CACNB2: variants seen among roughly 807,000 people sequenced by gnomAD.
CACNB2 encodes voltage-dependent L-type calcium channel subunit beta-2.
CACNB2 carries 42 observed loss-of-function variants against 73.3 expected under a neutral mutation model. The ratio of observed to expected loss-of-function variants is 0.57; its 90% CI spans 0.45 to 0.74. The LOEUF (loss-of-function observed/expected upper bound fraction) is 0.74. Among genes scored for constraint, CACNB2 ranks in the 30% least tolerant of loss-of-function variants. The pLI is 0.00. For synonymous variants in CACNB2, 348 were observed against 310.3 expected, an observed-to-expected ratio of 1.12 and a Z score of -1.28; for missense variants, 940 against 853.0, an observed-to-expected ratio of 1.10 and a Z score of -1.27.
intron 2 of CACNB2, among the ~76,000 whole-genome samples, chr10:18,395,867 C>A (rs534371805): frequency 1.1e-4 from 16 of 152,252 alleles, no homozygotes; most frequent in African/African-American, 3.1e-4. Flanking sequence ...CTAAGGTATA[C>A]AATGTTTATG....
intron 2 of CACNB2, among the ~76,000 whole-genome samples, chr10:18,198,464 T>C (rs891440769): frequency 3.9e-5 from 6 of 152,166 alleles, no homozygotes; most frequent in African/African-American, 9.7e-5. Flanking sequence ...TGCTACTTTT[T>C]TGGGCATGCC....
At chr10:18,460,130 A>G (rs1212805532) in intron 3 of CACNB2, among the ~76,000 whole-genome samples, 1 of 152,224 alleles carries the variant, frequency 6.6e-6, no homozygotes, top group East Asian at 1.9e-4. Context: ...TCAAATGGCA[A>G]GTGGGATCAT....
intron 2 of CACNB2, chr10:18,260,900 C>A: frequency 9.0e-7 from 1 of 1,117,310 alleles, no homozygotes; most frequent in Non-Finnish European, 1.1e-6. Flanking sequence ...TTGAGAATGG[C>A]TACTGTAAAA....
At chr10:18,147,714 A>G (rs1331589442) in intron 1 of CACNB2, among the ~76,000 whole-genome samples, 1 of 149,326 alleles carries the variant, frequency 6.7e-6, no homozygotes, top group African/African-American at 2.5e-5. Flanking sequence ...ACAATTACAT[A>G]TATTTTTTTT....
intron 2 of CACNB2, among the ~76,000 whole-genome samples, chr10:18,152,709 CAAAAAAAAAA>C (rs772732675): frequency 2.0e-5 from 1 of 49,352 alleles, no homozygotes; most frequent in Non-Finnish European, 3.7e-5. Context: ...TGAAACAGAC[CAAAAAAAAAA>C]AAAAAAAAAA....
intron 6 of CACNB2, among the ~76,000 whole-genome samples, chr10:18,510,846 C>G (rs997385680): frequency 2.6e-4 from 40 of 152,200 alleles, no homozygotes; most frequent in African/African-American, 9.6e-4. Flanking sequence ...AGCAAGGAAA[C>G]TCTTGATTTT....
intron 1 of CACNB2, among the ~76,000 whole-genome samples, chr10:18,146,792 TTGTA>T (rs1407247362): frequency 6.6e-6 from 1 of 152,164 alleles, no homozygotes; most frequent in Non-Finnish European, 1.5e-5. Context: ...AGCCTAACTT[TTGTA>T]TTTTTTAGTA....
chr10:18,466,973 G>A (rs2047923475), intron 3 of CACNB2, among the ~76,000 whole-genome samples: 1 of 152,108 alleles, frequency 6.6e-6, no homozygotes, highest in African/African-American at 2.4e-5. Context: ...GGCCAACATG[G>A]TGAAATCCTG....
intron 2 of CACNB2, among the ~76,000 whole-genome samples, chr10:18,210,185 T>A (rs889254576): frequency 6.6e-6 from 1 of 152,176 alleles, no homozygotes; most frequent in African/African-American, 2.4e-5. Context: ...AGGTGAGTAA[T>A]GAGGCTTTTA....
At chr10:18,535,413 A>T (rs962558247) in intron 11 of CACNB2, among the ~76,000 whole-genome samples, 6 of 152,144 alleles carry the variant, frequency 3.9e-5, no homozygotes, top group African/African-American at 1.4e-4. Flanking sequence ...AGGAGACTGC[A>T]ATTGTCTTCT....
intron 2 of CACNB2, among the ~76,000 whole-genome samples, chr10:18,283,609 A>G (rs1004131980): frequency 6.7e-6 from 1 of 148,570 alleles, no homozygotes; most frequent in African/African-American, 2.5e-5. Context: ...TCATAGGTGG[A>G]AACTGAACAA....
intron 2 of CACNB2, among the ~76,000 whole-genome samples, chr10:18,291,383 C>T (rs1409015680): frequency 6.6e-6 from 1 of 152,212 alleles, no homozygotes; most frequent in African/African-American, 2.4e-5. Context: ...GAGAGAGGAA[C>T]ACCTCTGTGA....
At position 18,140,529 on chromosome 10, in the gene CACNB2, C is replaced by G. The variant is rs1204249870; in HGVS notation, c.-208C>G. 3.2e-6 allele frequency: 1 copy of G among 317,356 alleles called. No homozygotes were observed. The allele number at this position is 317,356 out of a possible 1,614,324, so 19.7% of individuals were successfully genotyped here. ...GTCCCGCCTCCCGAGCGGCTCGCTT[C>G]GCCCGATGCCCCGGCCCCGTCCCGC... On this transcript the variant is annotated 5_prime_UTR_variant, in exon 1 of 14. Transcript: ENST00000324631.
At chr10:18,421,549 C>T (rs575787022) in intron 3 of CACNB2, among the ~76,000 whole-genome samples, 1 of 152,262 alleles carries the variant, frequency 6.6e-6, no homozygotes, top group African/African-American at 2.4e-5. Context: ...ATCCACCCAC[C>T]TCAACCTCCC....
chr10:18,203,169 C>G (rs2034954262), intron 2 of CACNB2, among the ~76,000 whole-genome samples: 1 of 152,122 alleles, frequency 6.6e-6, no homozygotes, highest in African/African-American at 2.4e-5. Context: ...AAATTTTGTT[C>G]TTTCATCTGT....
In CACNB2 at chr10:18,169,264, A is replaced by G. The variant is rs552804235; in HGVS notation, c.213+18289A>G. Among the ~76,000 whole-genome samples the G allele has an allele frequency of 3.1e-4, 47 of 152,336 alleles. 1 individual carries two copies. The highest frequency in any genetic ancestry group is 5.7e-4 in the Non-Finnish European group (39 of 68,026). The stretch of plus-strand genomic sequence containing the variant: ...GGTATAGCTGTGGTTTGGTAGGGCT[A>G]GAAAAGTCTTGTGTACAATGAGTAA... On this transcript the variant is annotated intron_variant, in intron 2 of 13. Transcript: ENST00000324631.
In CACNB2 at chr10:18,462,639, A is replaced by T. The variant is rs78895017; in HGVS notation, c.334-35716A>T. Among the ~76,000 whole-genome samples, 1,128 of 152,260 alleles carry T rather than the reference A, an allele frequency of 7.4e-3. 23 individuals carry two copies. The highest frequency in any genetic ancestry group is 0.025 in the African/African-American group (1,052 of 41,566). ...TTTTATACCTTTCCCTGTCCCTCAA[A>T]CTTTGTATTCTCTTTTGCTTTCAGT... On this transcript the variant is annotated intron_variant, in intron 3 of 13. Coordinates refer to ENST00000324631, the MANE Select transcript of CACNB2 (RefSeq NM_201596.3).
intron 2 of CACNB2, among the ~76,000 whole-genome samples, chr10:18,394,121 T>C (rs924701607): frequency 2.6e-5 from 4 of 152,014 alleles, no homozygotes; most frequent in Admixed American, 6.6e-5. Context: ...TTTGTATTTT[T>C]AGTACAGACA....
At chr10:18,499,342 G>C (rs995071238) in intron 4 of CACNB2, among the ~76,000 whole-genome samples, 8 of 152,166 alleles carry the variant, frequency 5.3e-5, no homozygotes, top group African/African-American at 1.9e-4. Flanking sequence ...CTAGGGCTGG[G>C]CCCGGTGGCT....
Sources: gnomAD v4.1 joint callset for allele counts (sites outside exome capture counted in the v4.1 genomes callset) on GRCh38, gnomAD v4.1.1 for gene constraint, MANE v1.5 for transcripts, NCBI Gene and HGNC (gene_info 2026-07-23, HGNC 2026-07-21) for gene names.